Variants in TBC1D15 observed in about 807,000 individuals in gnomAD.
TBC1D15 encodes GAP for RAB7.
Under a neutral mutation model 95.4 loss-of-function variants are expected in TBC1D15, and 39 were observed. The ratio of observed to expected loss-of-function variants is 0.41; its 90% CI spans 0.32 to 0.53. The LOEUF is 0.53. Among genes scored for constraint, TBC1D15 ranks in the 20% least tolerant of loss-of-function variants. The pLI is 0.29. For missense variants in TBC1D15, 733 were observed against 794.3 expected (o/e 0.92, Z 0.93); for synonymous variants, 258 against 261.3 (o/e 0.99, Z 0.12).
chr12:71,874,714 C>T (rs1893417482), intron 3 of TBC1D15, among the ~76,000 whole-genome samples: 1 of 149,580 alleles, frequency 6.7e-6, no homozygotes, highest in Non-Finnish European at 1.5e-5. Flanking sequence ...CCTCTACCTC[C>T]CAGGTTCAAA....
At chr12:71,893,400 G>T (rs1053254835) in intron 6 of TBC1D15, 76 bp downstream of exon 6, 2 of 977,694 alleles carry the variant, frequency 2.0e-6, no homozygotes, top group Admixed American at 5.2e-5. Flanking sequence ...TCTTCTCAGA[G>T]AGTATGCAAA....
At chr12:71,896,129 T>C in intron 8 of TBC1D15, 54 bp downstream of exon 8, 1 of 1,491,278 alleles carries the variant, frequency 6.7e-7, no homozygotes. Flanking sequence ...TATTTAGGGG[T>C]TTTGTTGTTA....
At chr12:71,892,177 C>T (rs923639481) in intron 5 of TBC1D15, among the ~76,000 whole-genome samples, 2 of 151,934 alleles carry the variant, frequency 1.3e-5, no homozygotes, top group Non-Finnish European at 1.5e-5. Flanking sequence ...TCAAATGACT[C>T]AACCTCAGCC....
chr12:71,854,076 C>A (rs2137991604), intron 1 of TBC1D15, among the ~76,000 whole-genome samples: 1 of 152,308 alleles, frequency 6.6e-6, no homozygotes, highest in African/African-American at 2.4e-5. Context: ...TTTCCCACAT[C>A]TCTCTCCTCA....
chr12:71,895,039 C>T (rs1311390971), intron 7 of TBC1D15, among the ~76,000 whole-genome samples, 156 bp downstream of exon 7: 1 of 151,958 alleles, frequency 6.6e-6, no homozygotes, highest in Non-Finnish European at 1.5e-5. Context: ...CTTGTCCTGC[C>T]ACTAAGTTCT....
chr12:71,897,753 G>T, intron 9 of TBC1D15, 94 bp from the exon 10 acceptor site: 1 of 821,116 alleles, frequency 1.2e-6, no homozygotes, highest in South Asian at 1.6e-5. Context: ...CATCATAAAT[G>T]CTTTGATATA....
intron 1 of TBC1D15, among the ~76,000 whole-genome samples, chr12:71,863,460 C>A (rs1890824614): frequency 6.6e-6 from 1 of 152,120 alleles, no homozygotes; most frequent in Non-Finnish European, 1.5e-5. Flanking sequence ...TTTTTTCCTG[C>A]TGTTTTTAGA....
At position 71,857,822 on chromosome 12, in the gene TBC1D15, A is replaced by G. The variant is rs551047029; in HGVS notation, c.31-14248A>G. Among the ~76,000 whole-genome samples, 3 of 152,312 alleles carry G rather than the reference A, an allele frequency of 2.0e-5. No homozygotes were observed. In the South Asian group the frequency reaches 6.2e-4, roughly 32 times the overall value. On this transcript the variant is annotated intron_variant, in intron 1 of 16. Coordinates refer to ENST00000485960, the MANE Select transcript of TBC1D15 (RefSeq NM_001146213.3). ...GTCTAGCTGTACTTTAGTATTCATT[A>G]ACCAACCTTTGTCTATTCCCCTTTC...
At position 71,880,541 on chromosome 12, in the gene TBC1D15, A is replaced by G; in HGVS notation, c.277A>G (p.Ser93Gly). 5 of 1,613,624 alleles carry G rather than the reference A, an allele frequency of 3.1e-6. No homozygotes were observed. The highest frequency in any genetic ancestry group is 4.2e-6 in the Non-Finnish European group (5 of 1,179,728). ...RGHRGSEHLNSYEAEWDMVNT... is the reference protein window; with the variant it reads ...RGHRGSEHLNGYEAEWDMVNT... ...TCATCGAGGATCAGAACATCTGAAC[A>G]GTTACGAAGCAGAATGGGACATGGT... The change falls in exon 4 of 17, where the codon AGT (serine) becomes GGT (glycine). Residue 93 changes from serine to glycine, a missense_variant. By Grantham distance (56) the Ser-to-Gly change is moderately conservative. Transcript: ENST00000485960.
intron 1 of TBC1D15, chr12:71,849,325 G>A: frequency 8.6e-7 from 1 of 1,162,874 alleles, no homozygotes; most frequent in Non-Finnish European, 1.3e-6. Context: ...AGGTAAGGAG[G>A]CTATCATAGG....
chr12:71,848,503 G>A (rs950120803), intron 1 of TBC1D15, among the ~76,000 whole-genome samples: 4 of 151,792 alleles, frequency 2.6e-5, no homozygotes, highest in Non-Finnish European at 5.9e-5. Flanking sequence ...TGAAGTGTCT[G>A]TTTAAATCTT....
chr12:71,871,183 A>G (rs950736104), intron 1 of TBC1D15, among the ~76,000 whole-genome samples: 4 of 152,206 alleles, frequency 2.6e-5, no homozygotes, highest in Admixed American at 2.6e-4. Context: ...GAGTTAACTT[A>G]AGTCTCCCCT....
chr12:71,844,620 T>C (rs552604977), intron 1 of TBC1D15, among the ~76,000 whole-genome samples: 64 of 152,322 alleles, frequency 4.2e-4, no homozygotes, highest in Non-Finnish European at 8.2e-4. Context: ...AATTACATGT[T>C]GTAATTGTCT....
intron 3 of TBC1D15, among the ~76,000 whole-genome samples, chr12:71,879,350 G>T (rs1161910311): frequency 1.3e-5 from 2 of 152,132 alleles, no homozygotes; most frequent in Non-Finnish European, 2.9e-5. Flanking sequence ...GGCCAGGCTG[G>T]TCTGAAACTC....
chr12:71,863,213 C>T (rs1205171434), intron 1 of TBC1D15, among the ~76,000 whole-genome samples: 2 of 152,048 alleles, frequency 1.3e-5, no homozygotes, highest in East Asian at 3.9e-4. Flanking sequence ...CCCGTTTCTA[C>T]TAAAAATACA....
chr12:71,900,293 C>T (rs1459536394), intron 10 of TBC1D15, among the ~76,000 whole-genome samples: 1 of 152,064 alleles, frequency 6.6e-6, no homozygotes, highest in Non-Finnish European at 1.5e-5. Flanking sequence ...AAACATGTGC[C>T]ACCTAGTGGA....
At position 71,853,499 on chromosome 12, in the gene TBC1D15, TTAAAA is replaced by T. The variant is rs1418745765; in HGVS notation, c.30+13692_30+13696del. 7.2e-5 allele frequency among the ~76,000 whole-genome samples: 11 copies of T among 152,350 alleles called. 2 individuals are homozygous for T. Among genetic ancestry groups the T allele is most frequent in the Admixed American group, 2.0e-4 (3 of 15,306 alleles). ...AGTGTCTTGAACATATGGGATAGAC[TTAAAA>T]TAATACTTTAATATCCTTCACTACT... On this transcript the variant is annotated intron_variant, in intron 1 of 16. Coordinates refer to ENST00000485960, the MANE Select transcript of TBC1D15 (RefSeq NM_001146213.3).
intron 3 of TBC1D15, among the ~76,000 whole-genome samples, chr12:71,876,819 T>G (rs1893937930): frequency 6.6e-6 from 1 of 151,370 alleles, no homozygotes; most frequent in African/African-American, 2.4e-5. Context: ...TTTTTTGTTT[T>G]GTTTTTTTTG....
chr12:71,901,016 G>A (rs148392382), intron 10 of TBC1D15, among the ~76,000 whole-genome samples: 2 of 152,196 alleles, frequency 1.3e-5, no homozygotes, highest in African/African-American at 4.8e-5. Flanking sequence ...AGAGAATATG[G>A]CATATGGATA....
Sources: allele counts gnomAD v4.1 joint callset (sites outside exome capture counted in the v4.1 genomes callset), GRCh38; gene constraint gnomAD v4.1.1; transcripts MANE v1.5; gene names NCBI Gene and HGNC (gene_info 2026-07-23, HGNC 2026-07-21).